Variants in PSG6 observed in about 807,000 individuals in gnomAD.
PSG6 encodes the protein pregnancy-specific beta-1-glycoprotein 6.
In PSG6, 51 loss-of-function variants were observed where a neutral mutation model predicts 43.3. That is an observed-to-expected ratio of 1.18 (90% CI 0.94 to 1.49). PSG6 has a LOEUF of 1.49. Among genes scored for constraint, PSG6 ranks in the 40% most tolerant of loss-of-function variants. PSG6 has a pLI of 0.00. For missense variants in PSG6, 770 were observed against 522.2 expected (o/e 1.47, Z -4.62); for synonymous variants, 292 against 197.6 (o/e 1.48, Z -4.01).
intron 4 of PSG6, 63 bp from the exon 5 acceptor site, chr19:42,907,239 C>T (rs1434768528): frequency 8.9e-6 from 14 of 1,571,036 alleles, no homozygotes; most frequent in African/African-American, 1.4e-5. Flanking sequence ...CTCCTGGTCT[C>T]TTAAAGGGAC....
At chr19:42,909,811 T>TG (rs1178000326) in intron 3 of PSG6, 2 of 151,838 alleles carry the variant, frequency 1.3e-5, no homozygotes, top group African/African-American at 4.8e-5. Context: ...TTCCCTTTCC[T>TG]GGGTTTTGAT....
At chr19:42,912,771 C>T (rs1431112862) in intron 2 of PSG6, among the ~76,000 whole-genome samples, 1 of 151,568 alleles carries the variant, frequency 6.6e-6, no homozygotes, top group Non-Finnish European at 1.5e-5. Context: ...ATGCCAATGG[C>T]TCTTGTGTCT....
Position 42,915,053 on chromosome 19 carries a change from T to C in PSG6, c.427+1072A>G, listed in dbSNP as rs185744268. On this transcript the variant is annotated intron_variant, in intron 2 of 5. Coordinates refer to ENST00000187910, the MANE Select transcript of PSG6 (RefSeq NM_001031850.4). ...GATGCCTAAGAAGAGAGGATTTGAG[T>C]CAATAAATGACTATGGGGTCCTTGG... Among the ~76,000 whole-genome samples the C allele has an allele frequency of 3.9e-4, 59 of 151,594 alleles. 1 individual carries two copies. The highest frequency in any genetic ancestry group is 1.4e-3 in the African/African-American group (56 of 41,356).
chr19:42,905,157 A>T lies in PSG6; in HGVS notation c.1240+1765T>A, dbSNP rs139435238. 8.3e-3 allele frequency among the ~76,000 whole-genome samples: 1,266 copies of T among 151,852 alleles called. 39 individuals carry two copies. The highest frequency in any genetic ancestry group is 0.029 in the African/African-American group (1,218 of 41,414). ...AATAGATCAAAGATCTAAATGTAAG[A>T]GTAAAAACTATACAACTCTTAGAAG... On this transcript the variant is annotated intron_variant, in intron 5 of 5. Transcript: ENST00000187910.
Position 42,904,788 on chromosome 19 carries a change from G to T in PSG6, c.1240+2134C>A, listed in dbSNP as rs183774596. On this transcript the variant is annotated intron_variant, in intron 5 of 5. Transcript: ENST00000187910. ...CATTTTTGCAGAAAAAGAAAAATCTGTCCTAAAATTTATATTGCATCTCAT... is the reference window on the plus strand; with the variant it reads ...CATTTTTGCAGAAAAAGAAAAATCTTTCCTAAAATTTATATTGCATCTCAT... Among the ~76,000 whole-genome samples, 856 of 151,634 alleles carry T rather than the reference G, an allele frequency of 5.6e-3. 16 individuals carry two copies. The highest frequency in any genetic ancestry group is 0.024 in the South Asian group (113 of 4,744).
intron 5 of PSG6, chr19:42,906,547 T>C: frequency 5.4e-6 from 7 of 1,295,850 alleles, no homozygotes; most frequent in Non-Finnish European, 7.0e-6. Flanking sequence ...ATGTTCCTTG[T>C]AGCTCATGGA....
Position 42,910,431 on chromosome 19 carries a change from G to T in PSG6, c.706+149C>A, listed in dbSNP as rs201089523. The stretch of plus-strand genomic sequence containing the variant: ...GTTGATCAAGCCTAGGCCTACTCTG[G>T]TTTGCCTGGAGCAGAAAGTCATGGC... On this transcript the variant is annotated intron_variant, in intron 3 of 5. Transcript: ENST00000187910. 40 of 1,590,050 alleles carry T rather than the reference G, an allele frequency of 2.5e-5. 1 individual carries two copies. In the African/African-American group the frequency reaches 4.8e-4, roughly 19 times the overall value.
At position 42,907,589 on chromosome 19, in the gene PSG6, G is replaced by C. The variant is rs200845699; in HGVS notation, c.972C>G (p.Thr324=). Residue 324 remains threonine (T), a synonymous_variant, in exon 4 of 6, where the codon ACC becomes ACG. Transcript: ENST00000187910. ...AAGGATACTCACAGAGGACATTCAG[G>C]GTGACTGGGTTACTGCGGATGCCAC... ...RYGGIRSNPV[T]LNVLYGPDLP... The C allele has an allele frequency of 6.2e-7, 1 of 1,611,980 alleles. No individual in the cohort carries two copies.
intron 5 of PSG6, 28 bp downstream of exon 5, chr19:42,906,894 A>G: frequency 6.2e-7 from 1 of 1,612,050 alleles, no homozygotes; most frequent in African/African-American, 1.3e-5. Context: ...CTAAAACCCT[A>G]TTGCCAAGGA....
At chr19:42,904,168 T>C (rs1001369929) in intron 5 of PSG6, among the ~76,000 whole-genome samples, 4 of 151,494 alleles carry the variant, frequency 2.6e-5, no homozygotes, top group African/African-American at 9.7e-5. Context: ...ATAAAGGCAA[T>C]ATGTGAAAAA....
rs1430063486 is a variant in PSG6 at position 42,916,195 on chromosome 19, G to A, written c.357C>T (p.Tyr119=). The A allele has an allele frequency of 9.9e-6, 16 of 1,612,124 alleles. No homozygotes were observed. Among genetic ancestry groups the A allele is most frequent in the Non-Finnish European group, 1.4e-5 (16 of 1,179,104 alleles). ...QNVTQEDAGS[Y]TLHIIKRGDG... ...CGCCTCGCTTTATGATGTGTAAGGTGTAGGATCCTGCATCCTCCTGTGTGA... is the reference window on the plus strand; with the variant it reads ...CGCCTCGCTTTATGATGTGTAAGGTATAGGATCCTGCATCCTCCTGTGTGA... The change falls in exon 2 of 6, where the codon TAC becomes TAT. Residue 119 remains tyrosine (Y), a synonymous_variant. Transcript: ENST00000187910.
chr19:42,911,571 C>T (rs1402623088), intron 2 of PSG6, among the ~76,000 whole-genome samples: 1 of 151,700 alleles, frequency 6.6e-6, no homozygotes, highest in African/African-American at 2.4e-5. Flanking sequence ...GGCCCAAGAC[C>T]ATGATCCCTG....
chr19:42,914,557 G>A (rs1479806206), intron 2 of PSG6, among the ~76,000 whole-genome samples: 1 of 149,090 alleles, frequency 6.7e-6, no homozygotes, highest in South Asian at 2.3e-4. Flanking sequence ...AGAACCCTCC[G>A]GTGGCCAAAG....
intron 2 of PSG6, among the ~76,000 whole-genome samples, chr19:42,913,028 T>C (rs1309584434): frequency 5.3e-5 from 8 of 151,728 alleles, no homozygotes; most frequent in Admixed American, 1.3e-4. Context: ...CCGCTTTTTT[T>C]CCCCACTCTT....
Position 42,907,735 on chromosome 19 carries a change from C to T in PSG6, c.826G>A (p.Gly276Ser), listed in dbSNP as rs756122986. 1.2e-5 allele frequency: 19 copies of T among 1,610,734 alleles called. 1 individual carries two copies. The Admixed American group carries it at 2.7e-4, about 23-fold the overall frequency. The change falls in exon 4 of 6, where the codon GGT (glycine) becomes AGT (serine). Residue 276 changes from glycine (G) to serine (S), a missense_variant. Gly to Ser is a moderately conservative substitution (Grantham distance 56, BLOSUM62 0). Coordinates refer to ENST00000187910, the MANE Select transcript of PSG6 (RefSeq NM_001031850.4). ...RNYTYIWWLN[G>S]QSLPVSPRVK... is the part of the protein sequence containing the mutation. ...CTCGGACTGACCGGGAGGCTCTGAC[C>T]ATTTAGCCACCAAATGTAGGTGTAG...
chr19:42,910,393 C>A (rs1183946724), intron 3 of PSG6, 187 bp downstream of exon 3: 1 of 1,459,894 alleles, frequency 6.8e-7, no homozygotes, highest in Non-Finnish European at 9.4e-7. Flanking sequence ...GGAGAAGCCT[C>A]TTCTCTCTTA....
intron 2 of PSG6, among the ~76,000 whole-genome samples, chr19:42,912,338 A>G (rs1246456536): frequency 1.3e-5 from 2 of 151,744 alleles, no homozygotes; most frequent in African/African-American, 2.4e-5. Context: ...AAATGTTTTC[A>G]TAAGTGGAAA....
chr19:42,917,649 G>T, intron 1 of PSG6, 80 bp downstream of exon 1: 1 of 1,572,830 alleles, frequency 6.4e-7, no homozygotes, highest in Admixed American at 1.7e-5. Context: ...TTATTTTTTA[G>T]AACCCCATCC....
At chr19:42,912,767 A>G (rs1259560077) in intron 2 of PSG6, among the ~76,000 whole-genome samples, 6 of 151,764 alleles carry the variant, frequency 4.0e-5, no homozygotes, top group East Asian at 3.9e-4. Context: ...TGAGATGCCA[A>G]TGGCTCTTGT....
Sources: allele counts gnomAD v4.1 joint callset (sites outside exome capture counted in the v4.1 genomes callset), GRCh38; gene constraint gnomAD v4.1.1; transcripts MANE v1.5; gene names NCBI Gene and HGNC (gene_info 2026-07-23, HGNC 2026-07-21).